The following DPF2 variants were observed in gnomAD, a reference collection of about 807,000 sequenced individuals.
DPF2 encodes double PHD fingers 2, also known as zinc finger protein ubi-d4.
In DPF2, 10 loss-of-function variants were observed where a neutral mutation model predicts 59.6. That is an observed-to-expected ratio of 0.17 (90% CI 0.10 to 0.28). The LOEUF is 0.28. Ranked by LOEUF, DPF2 falls within the 10% of genes least tolerant of loss-of-function variation. The probability of loss-of-function intolerance (pLI) is 1.00; values close to 1 mark genes in which losing one functional copy is unlikely to be tolerated. For missense variants in DPF2, 315 were observed against 509.4 expected (o/e 0.62, Z 3.67); for synonymous variants, 189 against 190.6 (o/e 0.99, Z 0.07).
intron 1 of DPF2, among the ~76,000 whole-genome samples, chr11:65,339,161 T>C (rs1367345336): frequency 2.0e-5 from 3 of 151,872 alleles, no homozygotes; most frequent in Non-Finnish European, 4.4e-5. Context: ...TATTCCCAGA[T>C]ACTTGGGAGG....
Position 65,352,037 on chromosome 11 carries a change from C to T in DPF2, c.*278C>T, listed in dbSNP as rs1854713661. On this transcript the variant is annotated 3_prime_UTR_variant, in exon 11 of 11. Coordinates refer to ENST00000528416, the MANE Select transcript of DPF2 (RefSeq NM_006268.5). Reference sequence around the variant, plus strand: ...CATTAAGTGCATTCACTCTGCTTGCCTTGGGCCCAGCCCCTGGTGATCACA... The same window carrying T: ...CATTAAGTGCATTCACTCTGCTTGCTTTGGGCCCAGCCCCTGGTGATCACA... 1 of 464,954 alleles carries T rather than the reference C, an allele frequency of 2.2e-6. No homozygotes were observed. The highest frequency in any genetic ancestry group is 3.9e-5 in the East Asian group (1 of 25,890). The allele number at this position is 464,954 out of a possible 1,614,324, so 28.8% of individuals were successfully genotyped here.
chr11:65,341,223 G>C, intron 3 of DPF2, 150 bp downstream of exon 3: 1 of 1,252,286 alleles, frequency 8.0e-7, no homozygotes, highest in Non-Finnish European at 1.1e-6. Flanking sequence ...AGTCTAGAAG[G>C]GGAGACAGGT....
chr11:65,337,073 AAGAG>A (rs1008903448), intron 1 of DPF2, among the ~76,000 whole-genome samples: 3 of 152,218 alleles, frequency 2.0e-5, no homozygotes, highest in South Asian at 2.1e-4. Context: ...GTCTCAAAAA[AAGAG>A]AGAAAGTCTT....
intron 10 of DPF2, among the ~76,000 whole-genome samples, chr11:65,350,851 C>G (rs115807112): frequency 6.6e-6 from 1 of 151,650 alleles, no homozygotes; most frequent in East Asian, 1.9e-4. Flanking sequence ...TGGTGCTGTG[C>G]GCTTGTAATC....
In DPF2 at chr11:65,346,025, G is replaced by T; in HGVS notation, c.871G>T (p.Glu291Ter). Residue 291 changes from glutamate (E) to a stop codon, truncating the protein, a stop_gained, in exon 8 of 11, where the codon GAG becomes TAG. Transcript: ENST00000528416. LOFTEE classifies it high-confidence loss of function. ...TAACAAGAAGACGGGACAACCCGAG[G>T]AGCTGGTGTCCTGTTCTGACTGTGG... is the stretch of plus-strand genomic sequence containing the variant. Reference protein sequence around the residue: ...KINKKTGQPEELVSCSDCGRS... With the variant: ...KINKKTGQPE 1.2e-6 allele frequency: 2 copies of T among 1,614,198 alleles called. No homozygotes were observed. The highest frequency in any genetic ancestry group is 2.7e-5 in the African/African-American group (2 of 75,046).
intron 10 of DPF2, among the ~76,000 whole-genome samples, chr11:65,349,528 G>C (rs555022161): frequency 6.6e-6 from 1 of 152,266 alleles, no homozygotes; most frequent in Admixed American, 6.5e-5. Flanking sequence ...GGGCGCGGTG[G>C]CTCAAGCCTG....
rs1854363817 is a variant in DPF2, at chr11:65,341,312, C to A, written c.302-87C>A. On this transcript the variant is annotated intron_variant, in intron 3 of 10. Transcript: ENST00000528416. ...GCAGAGAACAAAAGATAGTGACAGA[C>A]CTTTGGTAAGCCCCAGCATTATGTG... The A allele has an allele frequency of 4.5e-6, 7 of 1,566,934 alleles. No individual in the cohort carries two copies. In the South Asian group the frequency reaches 6.9e-5, roughly 15 times the overall value.
At chr11:65,335,358 A>G (rs1175186526) in intron 1 of DPF2, among the ~76,000 whole-genome samples, 3 of 152,326 alleles carry the variant, frequency 2.0e-5, no homozygotes, top group East Asian at 1.9e-4. Flanking sequence ...CTCCAAAAAT[A>G]AAAAGGAAGA....
chr11:65,337,531 A>AGG (rs1854228030), intron 1 of DPF2, among the ~76,000 whole-genome samples: 1 of 138,054 alleles, frequency 7.2e-6, no homozygotes, highest in South Asian at 2.4e-4. Context: ...AGAGAGAGAG[A>AGG]GAGAGAGAGA....
rs1266155035 is a variant in DPF2 at position 65,348,947 on chromosome 11, C to G, written c.1099+16C>G. On this transcript the variant is annotated intron_variant, in intron 10 of 10. Coordinates refer to ENST00000528416, the MANE Select transcript of DPF2 (RefSeq NM_006268.5). ...CCCCCTGAAGGTAAGTTGCCCAGAT[C>G]TTTTACTCAGAACAATTACTTTATT... The G allele has an allele frequency of 6.2e-7, 1 of 1,613,266 alleles. No individual in the cohort carries two copies. The highest frequency in any genetic ancestry group is 2.2e-5 in the East Asian group (1 of 44,890).
rs2137693939 is a variant in DPF2 at position 65,341,548 on chromosome 11, A to G, written c.451A>G (p.Ser151Gly). The G allele has an allele frequency of 1.2e-6, 2 of 1,614,166 alleles. No individual in the cohort carries two copies. Among genetic ancestry groups the G allele is most frequent in the Non-Finnish European group, 1.7e-6 (2 of 1,180,034 alleles). The change falls in exon 4 of 11, where the codon AGT becomes GGT. Residue 151 changes from serine (S) to glycine (G), a missense_variant. This residue lies in a region of DPF2 where 228 missense variants were observed against 275.3 expected (regional missense o/e 0.83). Coordinates refer to ENST00000528416, the MANE Select transcript of DPF2 (RefSeq NM_006268.5). ...DSLGEFPVTN[S>G]RARKRILEPD... The stretch of plus-strand genomic sequence containing the variant: ...CCTGGGCGAGTTTCCTGTGACCAAC[A>G]GTCGAGCGCGAAAGGTACAGGATTA...
At chr11:65,344,922 C>T in intron 6 of DPF2, 1 of 384,290 alleles carries the variant, frequency 2.6e-6, no homozygotes, top group Non-Finnish European at 4.7e-6. Context: ...CCAGACCAGG[C>T]AGCTGGTGGT....
chr11:65,345,876 G>A (rs915107368), intron 7 of DPF2, 54 bp from the exon 8 acceptor site: 13 of 1,613,396 alleles, frequency 8.1e-6, no homozygotes, highest in Non-Finnish European at 1.0e-5. Flanking sequence ...TTGCATGGGT[G>A]TTGAGTGGCT....
chr11:65,350,162 G>C (rs1176187220), intron 10 of DPF2, among the ~76,000 whole-genome samples: 1 of 151,988 alleles, frequency 6.6e-6, no homozygotes, highest in Non-Finnish European at 1.5e-5. Flanking sequence ...AAGTTCTGTG[G>C]GACATCGAGG....
intron 6 of DPF2, 29 bp downstream of exon 6, chr11:65,344,098 C>G: frequency 1.9e-6 from 3 of 1,610,046 alleles, no homozygotes; most frequent in Non-Finnish European, 2.6e-6. Flanking sequence ...GGTGGGTAGA[C>G]CTTGCCTTGG....
At position 65,337,534 on chromosome 11, in the gene DPF2, G is replaced by A. The variant is rs868511215; in HGVS notation, c.33-2851G>A. ...AGAGAGAGAGAGAGAGAGAGAGAGA[G>A]AGAGAGAGAGAGAACAATGTTAATG... On this transcript the variant is annotated intron_variant, in intron 1 of 10. Coordinates refer to ENST00000528416, the MANE Select transcript of DPF2 (RefSeq NM_006268.5). Among the ~76,000 whole-genome samples the A allele has an allele frequency of 3.2e-3, 441 of 135,938 alleles. 5 individuals are homozygous for A. The highest frequency in any genetic ancestry group is 0.012 in the African/African-American group (423 of 35,820). 89.2% of individuals were successfully genotyped at this position (135,938 alleles called of 152,430 possible).
intron 9 of DPF2, 31 bp downstream of exon 9, chr11:65,346,390 C>A: frequency 6.3e-7 from 1 of 1,590,330 alleles, no homozygotes; most frequent in Non-Finnish European, 8.6e-7. Flanking sequence ...CTCAGCATGG[C>A]TCCTTCTGGG....
In DPF2 at chr11:65,351,950, A is replaced by G. The variant is rs566661095; in HGVS notation, c.*191A>G. On this transcript the variant is annotated 3_prime_UTR_variant, in exon 11 of 11. Transcript: ENST00000528416. ...TGACCACCTCTGGCCCCAGGCCCTC[A>G]GGGAGAAAGGAGCAACACACTGCCC... 10 of 619,434 alleles carry G rather than the reference A, an allele frequency of 1.6e-5. No individual in the cohort carries two copies. Among genetic ancestry groups the G allele is most frequent in the African/African-American group, 3.7e-5 (2 of 54,242 alleles). The allele number at this position is 619,434 out of a possible 1,614,324, so 38.4% of individuals were successfully genotyped here. A position where few individuals can be genotyped will look rare whatever the true frequency, so the allele number is the denominator to read the frequency against.
At chr11:65,346,632 A>G in intron 9 of DPF2, 2 of 368,962 alleles carry the variant, frequency 5.4e-6, no homozygotes, top group Non-Finnish European at 9.9e-6. Context: ...AGGAACAACA[A>G]TAAGCAAGGA....
Sources: gnomAD v4.1 joint callset for allele counts (sites outside exome capture counted in the v4.1 genomes callset) on GRCh38, gnomAD v4.1.1 for gene constraint, gnomAD v4.1.1 regional missense constraint, MANE v1.5 for transcripts, NCBI Gene and HGNC (gene_info 2026-07-23, HGNC 2026-07-21) for gene names.